DNAH14: variants seen among roughly 807,000 people sequenced by gnomAD.
DNAH14 encodes the protein axonemal beta dynein heavy chain 14.
Under a neutral mutation model 520.9 loss-of-function variants are expected in DNAH14, and 478 were observed. The observed-to-expected ratio is 0.92, with a 90% CI of 0.85 to 0.99. The LOEUF (loss-of-function observed/expected upper bound fraction) is 0.99. Among genes scored for constraint, DNAH14 ranks in the 50% least tolerant of loss-of-function variants. The pLI, the probability that DNAH14 is intolerant of heterozygous loss-of-function variation, is 0.00. For missense variants in DNAH14, 4,831 were observed against 5,234.5 expected (o/e 0.92, Z 2.38); for synonymous variants, 1,581 against 1,757.2 (o/e 0.90, Z 2.51).
At chr1:225,184,837 C>T (rs1474797103) in intron 36 of DNAH14, among the ~76,000 whole-genome samples, 1 of 151,182 alleles carries the variant, frequency 6.6e-6, no homozygotes, top group African/African-American at 2.4e-5. Context: ...AAAAGCATTC[C>T]CCTTAAGAAT....
chr1:225,109,690 C>A (rs755016828), intron 23 of DNAH14, among the ~76,000 whole-genome samples: 1 of 151,944 alleles, frequency 6.6e-6, no homozygotes, highest in Non-Finnish European at 1.5e-5. Context: ...CTTGGATGCC[C>A]TTTGTTTCTT....
Position 225,380,245 on chromosome 1 carries a change from T to C in DNAH14, c.12803T>C (p.Ile4268Thr), listed in dbSNP as rs760613616. The change falls in exon 80 of 86, where the codon ATT becomes ACT. Residue 4268 changes from isoleucine (I) to threonine (T), a missense_variant. Transcript: ENST00000682510. ...RLPLTVEKEE[I>T]AVGTPSTLKS... ...CCACTGACAGTGGAGAAAGAAGAAA[T>C]TGCTGTTGGAACTCCAAGCACATTG... 4 of 1,551,488 alleles carry C rather than the reference T, an allele frequency of 2.6e-6. No homozygotes were observed. The African/African-American group carries it at 4.1e-5, about 16-fold the overall frequency.
chr1:225,079,674 T>TTC (rs1274916065), intron 18 of DNAH14, 126 bp downstream of exon 18: 15 of 481,878 alleles, frequency 3.1e-5, no homozygotes, highest in Admixed American at 5.8e-5. Flanking sequence ...CAAGTATTCT[T>TTC]TTTTTTTTTT....
chr1:225,286,485 G>A (rs972301339), intron 54 of DNAH14, among the ~76,000 whole-genome samples: 1 of 152,040 alleles, frequency 6.6e-6, no homozygotes, highest in Admixed American at 6.6e-5. Context: ...ATATGAAAAG[G>A]TGCTCAATAT....
chr1:225,196,167 C>G (rs1009055141), intron 38 of DNAH14, among the ~76,000 whole-genome samples: 2 of 151,968 alleles, frequency 1.3e-5, no homozygotes, highest in East Asian at 1.9e-4. Flanking sequence ...TCTCTCACCC[C>G]CTTCCTACCC....
intron 54 of DNAH14, 118 bp downstream of exon 54, chr1:225,277,620 T>C (rs2093518402): frequency 1.7e-5 from 7 of 405,772 alleles, no homozygotes; most frequent in Non-Finnish European, 3.6e-5. Context: ...TCACAATAAC[T>C]GAGTCATAGG....
At chr1:224,949,212 C>T (rs2060020220) in intron 1 of DNAH14, among the ~76,000 whole-genome samples, 1 of 152,112 alleles carries the variant, frequency 6.6e-6, no homozygotes. Flanking sequence ...TGTCAAGAAG[C>T]CCATTCTTAG....
chr1:225,166,232 T>A (rs966593085), intron 35 of DNAH14, among the ~76,000 whole-genome samples: 1 of 152,194 alleles, frequency 6.6e-6, no homozygotes, highest in Non-Finnish European at 1.5e-5. Context: ...TTTTGAGCCT[T>A]CTTATATATT....
At chr1:225,222,249 G>A (rs537865704) in intron 41 of DNAH14, among the ~76,000 whole-genome samples, 35 of 152,342 alleles carry the variant, frequency 2.3e-4, no homozygotes, top group African/African-American at 6.0e-4. Context: ...GGATATCCAA[G>A]TTTGAGGGAA....
rs952400623 is a variant in DNAH14 at position 225,097,112 on chromosome 1, T to C, written c.3574-6T>C. On this transcript the variant is annotated splice_region_variant and splice_polypyrimidine_tract_variant and intron_variant, in intron 21 of 85. Transcript: ENST00000682510. Reference sequence around the variant, plus strand: ...TTTGTATGTGTATATGTTTTTATCATTGTAGGATCTTGTGAATGAATGGGA... The same window carrying C: ...TTTGTATGTGTATATGTTTTTATCACTGTAGGATCTTGTGAATGAATGGGA... The C allele has an allele frequency of 2.6e-6, 4 of 1,543,136 alleles. No individual in the cohort carries two copies. The African/African-American group carries it at 5.5e-5, about 21-fold the overall frequency.
intron 23 of DNAH14, among the ~76,000 whole-genome samples, chr1:225,110,630 T>C (rs1208844693): frequency 6.6e-6 from 1 of 151,928 alleles, no homozygotes; most frequent in South Asian, 2.1e-4. Context: ...AAAACAACTT[T>C]TCATTTTATC....
At chr1:224,995,166 T>C (rs1397056360) in intron 8 of DNAH14, among the ~76,000 whole-genome samples, 1 of 152,180 alleles carries the variant, frequency 6.6e-6, no homozygotes, top group Non-Finnish European at 1.5e-5. Context: ...ATTTATGTTA[T>C]CATTTAGTGG....
chr1:225,137,163 T>C (rs1417529428), intron 27 of DNAH14, among the ~76,000 whole-genome samples: 1 of 152,186 alleles, frequency 6.6e-6, no homozygotes, highest in Non-Finnish European at 1.5e-5. Flanking sequence ...AATTCATGTA[T>C]CTCAGCCTCA....
At chr1:225,201,379 G>A (rs11585124) in intron 38 of DNAH14, among the ~76,000 whole-genome samples, 19,422 of 151,892 alleles carry the variant, frequency 0.13, 1,396 homozygotes, top group East Asian at 0.31. Flanking sequence ...CAGGGATTTC[G>A]TCTTGGTTTA....
chr1:225,021,054 A>G (rs1164084766), intron 10 of DNAH14, among the ~76,000 whole-genome samples: 2 of 152,228 alleles, frequency 1.3e-5, no homozygotes, highest in African/African-American at 4.8e-5. Flanking sequence ...ATACCACATG[A>G]TCATCTCAAC....
chr1:225,017,929 A>G (rs1468005281), intron 10 of DNAH14, among the ~76,000 whole-genome samples: 1 of 152,212 alleles, frequency 6.6e-6, no homozygotes, highest in Non-Finnish European at 1.5e-5. Flanking sequence ...AAGAACAACA[A>G]CTTCAAAGGA....
intron 39 of DNAH14, among the ~76,000 whole-genome samples, chr1:225,204,829 T>C (rs190299361): frequency 6.6e-6 from 1 of 152,358 alleles, no homozygotes; most frequent in East Asian, 1.9e-4. Context: ...AGTACATATA[T>C]GATCCAGACT....
intron 41 of DNAH14, among the ~76,000 whole-genome samples, chr1:225,220,692 A>G (rs2089963516): frequency 6.6e-6 from 1 of 152,240 alleles, no homozygotes; most frequent in African/African-American, 2.4e-5. Flanking sequence ...GCTCATGGAT[A>G]GGAAGAATCA....
chr1:225,191,825 T>G (rs1336571199), intron 37 of DNAH14, among the ~76,000 whole-genome samples: 1 of 152,056 alleles, frequency 6.6e-6, no homozygotes, highest in Non-Finnish European at 1.5e-5. Context: ...TGCTTAAATC[T>G]GCTATTGAAT....
Sources: allele counts gnomAD v4.1 joint callset (sites outside exome capture counted in the v4.1 genomes callset), GRCh38; gene constraint gnomAD v4.1.1; transcripts MANE v1.5; gene names NCBI Gene and HGNC (gene_info 2026-07-23, HGNC 2026-07-21).